EPHA3: variants seen among roughly 807,000 people sequenced by gnomAD.
EPHA3 encodes ephrin type-A receptor 3.
In EPHA3, 42 loss-of-function variants were observed where a neutral mutation model predicts 107.1. The ratio of observed to expected loss-of-function variants is 0.39; its 90% CI spans 0.31 to 0.51. EPHA3 has a LOEUF of 0.51. Ranked by LOEUF, EPHA3 falls within the 20% of genes least tolerant of loss-of-function variation. The pLI is 0.78. For missense variants in EPHA3, 1,183 were observed against 1,211.2 expected (o/e 0.98, Z 0.35); for synonymous variants, 461 against 424.8 (o/e 1.09, Z -1.05).
chr3:89,392,332 G>A (rs1708761010), intron 5 of EPHA3, among the ~76,000 whole-genome samples: 1 of 152,010 alleles, frequency 6.6e-6, no homozygotes, highest in East Asian at 1.9e-4. Context: ...CCAGCTACTT[G>A]GGAGGCTGAG....
intron 5 of EPHA3, among the ~76,000 whole-genome samples, chr3:89,355,190 T>G (rs1030040346): frequency 7.9e-5 from 12 of 151,266 alleles, no homozygotes; most frequent in Non-Finnish European, 1.5e-5. Flanking sequence ...GCCATGTGCC[T>G]GAGTAAGAAG....
chr3:89,168,943 A>G (rs1320041670), intron 2 of EPHA3, among the ~76,000 whole-genome samples: 2 of 151,872 alleles, frequency 1.3e-5, no homozygotes, highest in African/African-American at 4.9e-5. Flanking sequence ...TTCATTGTAC[A>G]TAAATTATAT....
intron 13 of EPHA3, among the ~76,000 whole-genome samples, chr3:89,448,146 C>T (rs892908706): frequency 6.6e-6 from 1 of 152,146 alleles, no homozygotes; most frequent in Non-Finnish European, 1.5e-5. Flanking sequence ...GTGGCTTTCA[C>T]TACTGTCTTT....
intron 2 of EPHA3, among the ~76,000 whole-genome samples, chr3:89,127,701 T>C (rs1196627017): frequency 6.6e-6 from 1 of 152,028 alleles, no homozygotes; most frequent in Non-Finnish European, 1.5e-5. Context: ...TTAGAATTTA[T>C]TGGTCAACAG....
rs1465462464 is a variant in EPHA3 at position 89,295,563 on chromosome 3, A to G, written c.815-45353A>G. ...GGTTTATCAACTAAGTTTGTGTAAT[A>G]TTCTAAATCCTTTGTTATTATTTCC... On this transcript the variant is annotated intron_variant, in intron 3 of 16. Transcript: ENST00000336596. Among the ~76,000 whole-genome samples the G allele has an allele frequency of 2.0e-5, 3 of 152,072 alleles. 1 individual carries two copies. Among genetic ancestry groups the G allele is most frequent in the Non-Finnish European group, 4.4e-5 (3 of 67,996 alleles).
At chr3:89,397,234 C>T (rs1270748380) in intron 6 of EPHA3, among the ~76,000 whole-genome samples, 1 of 151,968 alleles carries the variant, frequency 6.6e-6, no homozygotes, top group Non-Finnish European at 1.5e-5. Flanking sequence ...GCCAAATAAA[C>T]TTCATTGTTC....
In EPHA3 at chr3:89,179,510, A is replaced by G. The variant is rs1201758483; in HGVS notation, c.154-30350A>G. ...TGGTCCAGACCAGTCCAAGGGGAAT[A>G]CAAGCATAAAGTCTGAATCTTCTCT... On this transcript the variant is annotated intron_variant, in intron 2 of 16. Coordinates refer to ENST00000336596, the MANE Select transcript of EPHA3 (RefSeq NM_005233.6). Among the ~76,000 whole-genome samples, 5 of 152,162 alleles carry G rather than the reference A, an allele frequency of 3.3e-5. No individual in the cohort carries two copies. The East Asian group carries it at 9.7e-4, about 29-fold the overall frequency.
At chr3:89,342,138 T>A in intron 5 of EPHA3, 48 bp downstream of exon 5, 3 of 1,502,090 alleles carry the variant, frequency 2.0e-6, no homozygotes, top group Non-Finnish European at 2.7e-6. Context: ...CACGTCTGAG[T>A]AATGGTTTTG....
At chr3:89,423,668 A>T (rs1187164999) in intron 11 of EPHA3, among the ~76,000 whole-genome samples, 1 of 151,392 alleles carries the variant, frequency 6.6e-6, no homozygotes, top group Non-Finnish European at 1.5e-5. Flanking sequence ...TCACTGCTCG[A>T]TATATTAGAA....
chr3:89,376,345 A>G (rs1708403147), intron 5 of EPHA3, among the ~76,000 whole-genome samples: 1 of 146,106 alleles, frequency 6.8e-6, no homozygotes, highest in African/African-American at 2.7e-5. Context: ...GTATATAAAT[A>G]TATATATATA....
At chr3:89,215,619 G>T (rs539433461) in intron 3 of EPHA3, among the ~76,000 whole-genome samples, 1 of 151,932 alleles carries the variant, frequency 6.6e-6, no homozygotes, top group South Asian at 2.1e-4. Flanking sequence ...TGAATACCTC[G>T]TAATGAATAA....
At chr3:89,224,796 A>G (rs929099019) in intron 3 of EPHA3, among the ~76,000 whole-genome samples, 2 of 151,912 alleles carry the variant, frequency 1.3e-5, no homozygotes, top group Non-Finnish European at 2.9e-5. Flanking sequence ...TTGCAGTGAG[A>G]CAAGATCATG....
intron 15 of EPHA3, among the ~76,000 whole-genome samples, chr3:89,452,799 T>C (rs1250648492): frequency 1.3e-5 from 2 of 152,180 alleles, no homozygotes; most frequent in East Asian, 3.9e-4. Context: ...TTCCTGTATT[T>C]CCTGCTAGAA....
chr3:89,442,812 T>G (rs1428969431), intron 13 of EPHA3, among the ~76,000 whole-genome samples: 1 of 152,206 alleles, frequency 6.6e-6, no homozygotes, highest in African/African-American at 2.4e-5. Context: ...CCTCCTAGAA[T>G]GTGAAACTTC....
chr3:89,247,867 T>C (rs1362291463), intron 3 of EPHA3, among the ~76,000 whole-genome samples: 1 of 152,178 alleles, frequency 6.6e-6, no homozygotes, highest in African/African-American at 2.4e-5. Flanking sequence ...AAATTGTCTA[T>C]AGAGACTAAA....
At chr3:89,113,482 G>GAAAAAAAA in intron 1 of EPHA3, among the ~76,000 whole-genome samples, 1 of 1,464 alleles carries the variant, frequency 6.8e-4, no homozygotes, top group Non-Finnish European at 1.6e-3. Context: ...AGCTTCCTTT[G>GAAAAAAAA]TACAAAAAAA....
At chr3:89,314,630 A>G (rs1006330200) in intron 3 of EPHA3, among the ~76,000 whole-genome samples, 3 of 152,102 alleles carry the variant, frequency 2.0e-5, no homozygotes, top group Non-Finnish European at 2.9e-5. Context: ...TCAGTAACAT[A>G]AGATGCATTC....
At chr3:89,325,580 C>T (rs1274104475) in intron 3 of EPHA3, among the ~76,000 whole-genome samples, 4 of 152,140 alleles carry the variant, frequency 2.6e-5, no homozygotes, top group Non-Finnish European at 5.9e-5. Flanking sequence ...ATTTCTTTTC[C>T]AGCTATACTC....
intron 2 of EPHA3, among the ~76,000 whole-genome samples, chr3:89,141,995 AT>A (rs1340391356): frequency 6.6e-6 from 1 of 151,442 alleles, no homozygotes; most frequent in African/African-American, 2.4e-5. Flanking sequence ...AGCAGAGTCA[AT>A]TATGGGTATT....
Sources: allele counts gnomAD v4.1 joint callset (sites outside exome capture counted in the v4.1 genomes callset), GRCh38; gene constraint gnomAD v4.1.1; transcripts MANE v1.5; gene names NCBI Gene and HGNC (gene_info 2026-07-23, HGNC 2026-07-21).